The following EML5 variants were observed in gnomAD, a reference collection of about 807,000 sequenced individuals.
EML5 encodes echinoderm microtubule-associated protein-like 5.
A neutral mutation model predicts 250.0 loss-of-function variants in EML5; 120 were observed. The observed-to-expected ratio is 0.48, with a 90% CI of 0.41 to 0.56. The LOEUF (loss-of-function observed/expected upper bound fraction) is 0.56. EML5 is among the 20% of genes least tolerant of loss of function. The pLI is 0.00. For missense variants in EML5, 2,006 were observed against 2,437.6 expected (o/e 0.82, Z 3.73); for synonymous variants, 771 against 806.5 (o/e 0.96, Z 0.75).
intron 16 of EML5, among the ~76,000 whole-genome samples, chr14:88,694,692 A>G (rs537584010): frequency 1.3e-5 from 2 of 152,204 alleles, no homozygotes; most frequent in Non-Finnish European, 2.9e-5. Flanking sequence ...TGTGGCATGA[A>G]TGGGTTAAAG....
rs1000099366 is a variant in EML5, at chr14:88,715,182, C to T, written c.1201G>A (p.Val401Ile). The change falls in exon 9 of 44, where the codon GTT (valine) becomes ATT (isoleucine). Residue 401 changes from valine to isoleucine, a missense_variant. By Grantham distance (29) the Val-to-Ile change is conservative (BLOSUM62 3). Transcript: ENST00000554922. ...TVLRVRDMTE[V>I]VHIKDRKEAI... ...TCCTTCCTATCTTTAATATGTACAA[C>T]TTCCGTCATATCTCTGTTAAAAAGA... The T allele has an allele frequency of 4.4e-6, 7 of 1,594,340 alleles. No individual in the cohort carries two copies. Among genetic ancestry groups the T allele is most frequent in the Non-Finnish European group, 6.0e-6 (7 of 1,169,642 alleles).
chr14:88,738,888 C>T lies in EML5; in HGVS notation c.838G>A (p.Gly280Arg). Reference protein sequence around the residue: ...TVIDLRETDQGYKGLSVRSVC... With the variant: ...TVIDLRETDQRYKGLSVRSVC... ...TTTGTTTTGTTATTACCTTTGTATC[C>T]CTGGTCTGTTTCCCTGAGATCAATC... Residue 280 changes from glycine (G) to arginine (R), a missense_variant, in exon 6 of 44, where the codon GGA becomes AGA. Gly to Arg is a moderately radical substitution (Grantham distance 125). Transcript: ENST00000554922. 1 of 1,568,416 alleles carries T rather than the reference C, an allele frequency of 6.4e-7. No homozygotes were observed. Among genetic ancestry groups the T allele is most frequent in the Non-Finnish European group, 8.7e-7 (1 of 1,156,026 alleles).
At chr14:88,658,900 C>T (rs942020554) in intron 25 of EML5, among the ~76,000 whole-genome samples, 2 of 152,142 alleles carry the variant, frequency 1.3e-5, no homozygotes, top group South Asian at 4.1e-4. Flanking sequence ...AAAGGATACA[C>T]ATGCCTATGT....
chr14:88,782,166 TGGA>T (rs1278674542), intron 1 of EML5, among the ~76,000 whole-genome samples: 3 of 152,184 alleles, frequency 2.0e-5, no homozygotes, highest in Non-Finnish European at 4.4e-5. Context: ...TGGTCTCAGA[TGGA>T]GAAGAGAAAC....
chr14:88,695,215 T>C (rs1595554026), intron 16 of EML5, 146 bp downstream of exon 16: 4 of 351,574 alleles, frequency 1.1e-5, no homozygotes, highest in East Asian at 7.4e-5. Flanking sequence ...TTTACTATGA[T>C]TATATTATTT....
chr14:88,702,432 T>A lies in EML5; in HGVS notation c.2238+14A>T. On this transcript the variant is annotated intron_variant, in intron 14 of 43. Coordinates refer to ENST00000554922, the MANE Select transcript of EML5 (RefSeq NM_183387.3). The stretch of plus-strand genomic sequence containing the variant: ...TGTAGCTTATCTGGCTTATTGTCAG[T>A]CTTTCAAACCTACCTGGCCTGTTGC... 1.3e-6 allele frequency: 2 copies of A among 1,587,730 alleles called. No individual in the cohort carries two copies. Among genetic ancestry groups the A allele is most frequent in the Non-Finnish European group, 1.7e-6 (2 of 1,168,282 alleles).
chr14:88,781,157 G>A (rs1215711083), intron 1 of EML5, among the ~76,000 whole-genome samples: 1 of 152,152 alleles, frequency 6.6e-6, no homozygotes, highest in Non-Finnish European at 1.5e-5. Context: ...GGGCAAAGAT[G>A]ACTGATACAA....
chr14:88,692,709 T>C (rs2141297864), intron 17 of EML5, among the ~76,000 whole-genome samples: 1 of 152,294 alleles, frequency 6.6e-6, no homozygotes, highest in East Asian at 1.9e-4. Context: ...GGTGCCCAAA[T>C]GAAGTTTGTT....
chr14:88,772,242 T>C (rs1445249604), intron 1 of EML5, among the ~76,000 whole-genome samples: 2 of 152,222 alleles, frequency 1.3e-5, no homozygotes, highest in African/African-American at 2.4e-5. Context: ...AATCTTAATC[T>C]GAACCAGCAT....
intron 33 of EML5, among the ~76,000 whole-genome samples, chr14:88,628,629 T>A: frequency 6.6e-6 from 1 of 152,084 alleles, no homozygotes; most frequent in East Asian, 1.9e-4. Context: ...TAAAGTGCAT[T>A]TGCTTCAAAT....
At chr14:88,729,190 C>A (rs1415966826) in intron 7 of EML5, among the ~76,000 whole-genome samples, 1 of 151,968 alleles carries the variant, frequency 6.6e-6, no homozygotes, top group Non-Finnish European at 1.5e-5. Context: ...ATATGCTATA[C>A]ACATATACAT....
Position 88,774,029 on chromosome 14 carries a change from T to C in EML5, c.197+18278A>G, listed in dbSNP as rs1032786725. On this transcript the variant is annotated intron_variant, in intron 1 of 43. Transcript: ENST00000554922. ...AGCTACTTGAGAGGCTGAGGCAAGATAATCGCTCGAACCCGGAGGCAAAGG... is the reference window on the plus strand; with the variant it reads ...AGCTACTTGAGAGGCTGAGGCAAGACAATCGCTCGAACCCGGAGGCAAAGG... 2.6e-5 allele frequency among the ~76,000 whole-genome samples: 4 copies of C among 152,138 alleles called. No individual in the cohort carries two copies. The East Asian group carries it at 7.7e-4, about 29-fold the overall frequency.
intron 3 of EML5, 120 bp from the exon 4 acceptor site, chr14:88,744,211 A>T (rs956027304): frequency 2.0e-6 from 1 of 508,364 alleles, no homozygotes; most frequent in African/African-American, 2.0e-5. Flanking sequence ...AATAAATAAT[A>T]ATCAACATCC....
At chr14:88,662,914 A>G in intron 24 of EML5, 117 bp downstream of exon 24, 1 of 698,234 alleles carries the variant, frequency 1.4e-6, no homozygotes, top group South Asian at 2.3e-5. Flanking sequence ...ATAATATCCA[A>G]TATTTTAATA....
intron 29 of EML5, among the ~76,000 whole-genome samples, chr14:88,646,546 C>T (rs1456505563): frequency 6.6e-6 from 1 of 152,104 alleles, no homozygotes; most frequent in African/African-American, 2.4e-5. Context: ...TACTGTCTGA[C>T]AGCTTTAAAT....
At chr14:88,714,721 A>G (rs879781187) in intron 9 of EML5, among the ~76,000 whole-genome samples, 5 of 152,182 alleles carry the variant, frequency 3.3e-5, no homozygotes, top group Non-Finnish European at 7.3e-5. Context: ...ACCCAAAAGG[A>G]TTTCAATATA....
At chr14:88,714,128 A>G (rs2093452366) in intron 9 of EML5, among the ~76,000 whole-genome samples, 1 of 152,108 alleles carries the variant, frequency 6.6e-6, no homozygotes. Flanking sequence ...GTGAGCCACT[A>G]TGCCCAGCCT....
intron 23 of EML5, among the ~76,000 whole-genome samples, chr14:88,663,352 T>C (rs2092193608): frequency 6.6e-6 from 1 of 152,224 alleles, no homozygotes; most frequent in Non-Finnish European, 1.5e-5. Context: ...ATGATTTCTT[T>C]GGTTATGCAT....
chr14:88,665,721 G>C (rs777363432), intron 21 of EML5, among the ~76,000 whole-genome samples: 1 of 152,100 alleles, frequency 6.6e-6, no homozygotes, highest in African/African-American at 2.4e-5. Context: ...AGGGGGAAGA[G>C]AGAAGAGGGA....
Sources: allele counts gnomAD v4.1 joint callset (sites outside exome capture counted in the v4.1 genomes callset), GRCh38; gene constraint gnomAD v4.1.1; transcripts MANE v1.5; gene names NCBI Gene and HGNC (gene_info 2026-07-23, HGNC 2026-07-21).